The following PALLD variants were observed in gnomAD, a reference collection of about 807,000 sequenced individuals.
The protein encoded by PALLD is palladin.
Under a neutral mutation model 123.5 loss-of-function variants are expected in PALLD, and 61 were observed. The ratio of observed to expected loss-of-function variants is 0.49; its 90% CI spans 0.40 to 0.61. PALLD has a LOEUF of 0.61. Among genes scored for constraint, PALLD ranks in the 20% least tolerant of loss-of-function variants. The probability of loss-of-function intolerance (pLI) is 0.00; values close to 1 mark genes in which losing one functional copy is unlikely to be tolerated. For synonymous variants in PALLD, 465 were observed against 496.4 expected, an observed-to-expected ratio of 0.94 and a Z score of 0.84; for missense variants, 1,273 against 1,377.0, an observed-to-expected ratio of 0.92 and a Z score of 1.20.
At chr4:168,898,371 G>A in intron 13 of PALLD, 122 bp from the exon 14 acceptor site, 2 of 724,568 alleles carry the variant, frequency 2.8e-6, no homozygotes, top group South Asian at 3.0e-5. Context: ...GGCTCAGACT[G>A]TGTTTTTAAG....
chr4:168,730,332 G>T (rs964910713), intron 10 of PALLD, among the ~76,000 whole-genome samples: 1 of 151,742 alleles, frequency 6.6e-6, no homozygotes, highest in Non-Finnish European at 1.5e-5. Flanking sequence ...TTCTTTCATG[G>T]CATTCTGTTC....
intron 10 of PALLD, among the ~76,000 whole-genome samples, chr4:168,741,673 A>G (rs755010401): frequency 7.9e-5 from 12 of 152,084 alleles, no homozygotes; most frequent in Non-Finnish European, 1.6e-4. Context: ...GACAGAGTAC[A>G]ATCCTATCTC....
intron 10 of PALLD, among the ~76,000 whole-genome samples, chr4:168,867,176 C>T (rs1177776819): frequency 1.3e-5 from 2 of 152,140 alleles, no homozygotes; most frequent in African/African-American, 4.8e-5. Context: ...CCTCTCTCCT[C>T]GGGTTTTTGT....
chr4:168,892,695 T>G (rs919120427), intron 11 of PALLD, among the ~76,000 whole-genome samples: 5 of 151,994 alleles, frequency 3.3e-5, no homozygotes, highest in African/African-American at 9.7e-5. Context: ...ATATGGGAAC[T>G]TTTTCAAGCC....
intron 2 of PALLD, among the ~76,000 whole-genome samples, chr4:168,578,663 T>A (rs781390128): frequency 1.3e-5 from 2 of 152,016 alleles, no homozygotes; most frequent in Non-Finnish European, 2.9e-5. Context: ...GTGGAAAATG[T>A]TTTACATGTG....
Position 168,698,294 on chromosome 4 carries a change from A to C in PALLD, c.1501+7002A>C, listed in dbSNP as rs867511753. Among the ~76,000 whole-genome samples the C allele has an allele frequency of 4.6e-5, 7 of 152,360 alleles. No homozygotes were observed. In the Middle Eastern group the frequency reaches 0.01, roughly 222 times the overall value. On this transcript the variant is annotated intron_variant, in intron 8 of 21. Transcript: ENST00000505667. ...AGAATAAGACCTAGTATTTGATAGC[A>C]CAACAGGGTGACTGTAGTCAATAAG...
chr4:168,749,769 T>C (rs1730793116), intron 10 of PALLD, among the ~76,000 whole-genome samples: 1 of 152,180 alleles, frequency 6.6e-6, no homozygotes, highest in South Asian at 2.1e-4. Context: ...TGCAGATTTG[T>C]TACATGGGGG....
At chr4:168,920,735 C>T (rs981691241) in intron 17 of PALLD, among the ~76,000 whole-genome samples, 14 of 152,128 alleles carry the variant, frequency 9.2e-5, no homozygotes, top group African/African-American at 3.4e-4. Context: ...TGGGTAATTT[C>T]GTATTGCTCT....
At chr4:168,703,115 A>G (rs1431328442) in intron 8 of PALLD, among the ~76,000 whole-genome samples, 77 of 137,184 alleles carry the variant, frequency 5.6e-4, no homozygotes, top group Non-Finnish European at 8.9e-4. Flanking sequence ...GTGTCCATGT[A>G]ATCTCATTGT....
At chr4:168,688,737 T>G (rs926185347) in intron 6 of PALLD, among the ~76,000 whole-genome samples, 1 of 152,212 alleles carries the variant, frequency 6.6e-6, no homozygotes, top group African/African-American at 2.4e-5. Context: ...ATTAAGTTAC[T>G]TGGCATCTAC....
At chr4:168,697,806 A>G (rs1783280842) in intron 8 of PALLD, among the ~76,000 whole-genome samples, 1 of 152,250 alleles carries the variant, frequency 6.6e-6, no homozygotes. Flanking sequence ...TAGCATTCCA[A>G]TAATGGAACA....
chr4:168,696,299 C>T (rs957462906), intron 8 of PALLD, among the ~76,000 whole-genome samples: 1 of 152,094 alleles, frequency 6.6e-6, no homozygotes, highest in Admixed American at 6.6e-5. Context: ...ATGAACTTTA[C>T]CTCTCTCAGC....
intron 10 of PALLD, chr4:168,832,091 C>T (rs987214176): frequency 2.0e-6 from 2 of 985,462 alleles, no homozygotes; most frequent in South Asian, 9.4e-5. Context: ...GCCCCGCGCC[C>T]GGTCCGCGGA....
At chr4:168,903,953 C>CAGTA (rs752511503) in intron 15 of PALLD, 47 bp downstream of exon 15, 36 of 1,534,870 alleles carry the variant, frequency 2.3e-5, no homozygotes, top group Non-Finnish European at 2.9e-5. Context: ...CTAGTGCTTA[C>CAGTA]AGGCATTTGA....
chr4:168,850,779 G>A (rs1246522551), intron 10 of PALLD, among the ~76,000 whole-genome samples: 5 of 151,726 alleles, frequency 3.3e-5, no homozygotes, highest in South Asian at 2.1e-4. Context: ...TGATCCGCCC[G>A]CCTCGGCCTC....
chr4:168,517,890 T>C (rs942624071), intron 2 of PALLD, among the ~76,000 whole-genome samples: 2 of 152,164 alleles, frequency 1.3e-5, no homozygotes, highest in African/African-American at 4.8e-5. Context: ...GAAATGTAAA[T>C]AGGTACAACC....
intron 15 of PALLD, among the ~76,000 whole-genome samples, chr4:168,908,591 C>T (rs1453494484): frequency 6.6e-6 from 1 of 152,054 alleles, no homozygotes; most frequent in Non-Finnish European, 1.5e-5. Context: ...CTCCTTACTT[C>T]CTTAATGCCC....
At chr4:168,646,680 A>G (rs1561344325) in intron 2 of PALLD, among the ~76,000 whole-genome samples, 3 of 152,374 alleles carry the variant, frequency 2.0e-5, no homozygotes, top group Admixed American at 2.0e-4. Flanking sequence ...TATCAGTGGC[A>G]TAAGATTAAT....
intron 20 of PALLD, 25 bp from the exon 21 acceptor site, chr4:168,925,208 G>GCT (rs536545858): frequency 1.9e-6 from 3 of 1,583,096 alleles, no homozygotes; most frequent in African/African-American, 1.3e-5. Context: ...AATTCATATT[G>GCT]CTCTCTCTCT....
Sources: gnomAD v4.1 joint callset for allele counts (sites outside exome capture counted in the v4.1 genomes callset) on GRCh38, gnomAD v4.1.1 for gene constraint, MANE v1.5 for transcripts, NCBI Gene and HGNC (gene_info 2026-07-23, HGNC 2026-07-21) for gene names.